The following DNAH3 variants were observed in gnomAD, a reference collection of about 807,000 sequenced individuals.
DNAH3 encodes the protein dynein axonemal heavy chain 3.
DNAH3 carries 332 observed loss-of-function variants against 432.5 expected under a neutral mutation model. That is an observed-to-expected ratio of 0.77 (90% CI 0.70 to 0.84). The LOEUF (loss-of-function observed/expected upper bound fraction) is 0.84, where lower values mean the gene tolerates loss of function less well. Among genes scored for constraint, DNAH3 ranks in the 40% least tolerant of loss-of-function variants. DNAH3 has a pLI of 0.00. For missense variants in DNAH3, 4,861 were observed against 5,114.0 expected (o/e 0.95, Z 1.51); for synonymous variants, 1,956 against 1,900.2 (o/e 1.03, Z -0.76).
chr16:21,056,474 T>C (rs2090140901), intron 27 of DNAH3, among the ~76,000 whole-genome samples: 1 of 151,122 alleles, frequency 6.6e-6, no homozygotes, highest in Non-Finnish European at 1.5e-5. Flanking sequence ...TGGATGTCTG[T>C]TCTTTCCTTA....
chr16:20,952,467 C>T, exon 56 of DNAH3: 1 of 1,613,326 alleles, frequency 6.2e-7, no homozygotes, highest in South Asian at 1.1e-5. Flanking sequence ...AGGGCACCTC[C>T]TTGTAGTCAT....
intron 4 of DNAH3, 126 bp downstream of exon 5, chr16:21,141,174 G>T: frequency 2.8e-6 from 2 of 724,304 alleles, no homozygotes; most frequent in Non-Finnish European, 4.5e-6. Flanking sequence ...AAAGTGATTC[G>T]TGGATAAGAA....
intron 18 of DNAH3, 45 bp downstream of exon 18, chr16:21,097,310 C>T (rs1038445254): frequency 6.2e-7 from 1 of 1,608,640 alleles, no homozygotes; most frequent in Non-Finnish European, 8.5e-7. Context: ...GGTGGATCCT[C>T]CACCTCATCC....
intron 48 of DNAH3, among the ~76,000 whole-genome samples, chr16:20,984,029 G>GAAAAAAAAAAAAAAAAAAAAAAAA (rs61475224): frequency 8.9e-6 from 1 of 112,156 alleles, no homozygotes; most frequent in African/African-American, 3.5e-5. Flanking sequence ...CCTATATCCA[G>GAAAAAAAAAAAAAAAAAAAAAAAA]AAAAAAAAAA....
At chr16:21,025,865 C>G (rs1039148115) in intron 38 of DNAH3, among the ~76,000 whole-genome samples, 1 of 151,996 alleles carries the variant, frequency 6.6e-6, no homozygotes, top group Non-Finnish European at 1.5e-5. Flanking sequence ...TCCCAAGTAG[C>G]TGGGATTACG....
At chr16:21,147,740 A>G (rs1233578432) in intron 1 of DNAH3, among the ~76,000 whole-genome samples, 2 of 152,130 alleles carry the variant, frequency 1.3e-5, no homozygotes, top group Non-Finnish European at 2.9e-5. Flanking sequence ...TCCCACAATC[A>G]CTCTCAGATT....
At chr16:21,049,162 C>A (rs1023318607) in intron 31 of DNAH3, among the ~76,000 whole-genome samples, 2 of 152,122 alleles carry the variant, frequency 1.3e-5, no homozygotes, top group African/African-American at 4.8e-5. Context: ...AGGGTCTCAA[C>A]TGTGTTGCCC....
intron 1 of DNAH3, among the ~76,000 whole-genome samples, chr16:21,154,398 C>G (rs1271677373): frequency 2.3e-5 from 3 of 130,074 alleles, no homozygotes; most frequent in African/African-American, 8.9e-5. Context: ...CAGCGAGACT[C>G]TGTCTCAAAA....
intron 25 of DNAH3, among the ~76,000 whole-genome samples, chr16:21,061,861 G>A (rs934019281): frequency 1.3e-5 from 2 of 152,192 alleles, no homozygotes; most frequent in Admixed American, 1.3e-4. Flanking sequence ...TGTAGCTATT[G>A]ACTTCAGGTG....
At chr16:21,095,603 T>C (rs570880938) in intron 18 of DNAH3, among the ~76,000 whole-genome samples, 1 of 152,322 alleles carries the variant, frequency 6.6e-6, no homozygotes, top group South Asian at 2.1e-4. Context: ...ATGAAATTGC[T>C]GTTTTCTGAT....
chr16:21,105,265 G>T (rs1430322049), intron 15 of DNAH3, among the ~76,000 whole-genome samples: 1 of 152,130 alleles, frequency 6.6e-6, no homozygotes, highest in African/African-American at 2.4e-5. Context: ...CATACATTGT[G>T]AACACCAAGT....
intron 43 of DNAH3, among the ~76,000 whole-genome samples, chr16:20,997,923 T>G (rs753466932): frequency 2.0e-4 from 31 of 151,898 alleles, no homozygotes; most frequent in Non-Finnish European, 3.8e-4. Context: ...GAAAGGATTG[T>G]TTGAGCCTCG....
Position 20,959,406 on chromosome 16 carries a change from T to C in DNAH3, c.10601-2A>G. 1 of 1,608,842 alleles carries C rather than the reference T, an allele frequency of 6.2e-7. No individual in the cohort carries two copies. Among genetic ancestry groups the C allele is most frequent in the Non-Finnish European group, 8.5e-7 (1 of 1,175,510 alleles). On this transcript the variant is annotated splice_acceptor_variant, in intron 53 of 61. Coordinates refer to ENST00000261383, the Ensembl canonical transcript of DNAH3. LOFTEE classifies it high-confidence loss of function. ...GATCATCAGCAAACTTCAGCAGGCC[T>C]GAGACCAGGAAGAAAGGAGGCTTTT... is the stretch of plus-strand genomic sequence containing the variant.
chr16:20,960,145 T>C (rs989203472), intron 53 of DNAH3, among the ~76,000 whole-genome samples: 10 of 152,302 alleles, frequency 6.6e-5, no homozygotes, highest in East Asian at 1.9e-4. Context: ...TGCATTTTTT[T>C]CCCACTTAAC....
intron 24 of DNAH3, among the ~76,000 whole-genome samples, chr16:21,063,467 A>G (rs940265560): frequency 6.7e-6 from 1 of 148,950 alleles, no homozygotes; most frequent in African/African-American, 2.4e-5. Context: ...CCTTTTATTT[A>G]TTTTATTTAT....
intron 8 of DNAH3, 58 bp downstream of exon 9, chr16:21,127,629 A>T (rs1485973633): frequency 6.3e-7 from 1 of 1,582,108 alleles, no homozygotes; most frequent in Non-Finnish European, 8.6e-7. Flanking sequence ...TTCATTTCAG[A>T]GGGTTTTCAG....
intron 53 of DNAH3, among the ~76,000 whole-genome samples, chr16:20,960,617 G>A (rs1224336052): frequency 1.3e-5 from 2 of 152,170 alleles, no homozygotes; most frequent in Admixed American, 6.5e-5. Flanking sequence ...CAGGAAAATT[G>A]TTTGAACCTG....
intron 44 of DNAH3, among the ~76,000 whole-genome samples, chr16:20,988,575 G>A (rs2086339829): frequency 6.6e-6 from 1 of 152,158 alleles, no homozygotes; most frequent in Non-Finnish European, 1.5e-5. Context: ...AGAGTGCTGT[G>A]ATTGCAGGCA....
intron 49 of DNAH3, among the ~76,000 whole-genome samples, chr16:20,980,260 T>TTATAATATACATCA (rs1555517020): frequency 0.032 from 4,066 of 128,938 alleles, 249 homozygotes; most frequent in Non-Finnish European, 0.037. Flanking sequence ...ACATCATATA[T>TTATAATATACATCA]TATATTATAA....
Sources: gnomAD v4.1 joint callset for allele counts (sites outside exome capture counted in the v4.1 genomes callset) on GRCh38, gnomAD v4.1.1 for gene constraint, MANE v1.5 for transcripts, NCBI Gene and HGNC (gene_info 2026-07-23, HGNC 2026-07-21) for gene names.